Variants in RBFOX1 observed in about 807,000 individuals in gnomAD.
RBFOX1 encodes RNA binding fox-1 homolog 1, also known as RNA binding protein fox-1 homolog 1.
Under a neutral mutation model 57.7 loss-of-function variants are expected in RBFOX1, and 8 were observed. The observed-to-expected ratio is 0.14, with a 90% CI of 0.08 to 0.25. RBFOX1 has a LOEUF of 0.25. Among genes scored for constraint, RBFOX1 ranks in the 10% least tolerant of loss-of-function variants. The pLI, the probability that RBFOX1 is intolerant of heterozygous loss-of-function variation, is 1.00. For synonymous variants in RBFOX1, 326 were observed against 222.4 expected (o/e 1.47, Z -4.15); for missense variants, 611 against 548.5 (o/e 1.11, Z -1.14).
intron 3 of RBFOX1, among the ~76,000 whole-genome samples, chr16:5,841,766 C>G (rs573313729): frequency 1.3e-5 from 2 of 152,192 alleles, no homozygotes; most frequent in Non-Finnish European, 2.9e-5. Flanking sequence ...ACTGAACAGG[C>G]CTGATGCAGC....
intron 14 of RBFOX1, among the ~76,000 whole-genome samples, chr16:7,697,729 C>G (rs2079242114): frequency 6.6e-6 from 1 of 152,134 alleles, no homozygotes; most frequent in African/African-American, 2.4e-5. Context: ...CCACACACAC[C>G]TTTTTCTTCA....
At chr16:6,828,746 C>A (rs942486358) in intron 3 of RBFOX1, among the ~76,000 whole-genome samples, 1 of 152,062 alleles carries the variant, frequency 6.6e-6, no homozygotes, top group Non-Finnish European at 1.5e-5. Context: ...ATGAGCATAT[C>A]ACGAGGTCCT....
At chr16:5,821,525 G>C (rs563670298) in intron 3 of RBFOX1, among the ~76,000 whole-genome samples, 4 of 152,148 alleles carry the variant, frequency 2.6e-5, no homozygotes, top group South Asian at 2.1e-4. Context: ...CTTGTGTCCA[G>C]CTCCTGGGAT....
chr16:5,241,132 C>G (rs560963106), intron 1 of RBFOX1, among the ~76,000 whole-genome samples: 5 of 152,204 alleles, frequency 3.3e-5, no homozygotes, highest in Non-Finnish European at 5.9e-5. Flanking sequence ...CACGGGTAGC[C>G]GTCCTCGCCG....
At chr16:6,980,358 C>A (rs1423373558) in intron 3 of RBFOX1, among the ~76,000 whole-genome samples, 1 of 152,082 alleles carries the variant, frequency 6.6e-6, no homozygotes, top group African/African-American at 2.4e-5. Flanking sequence ...TAACATGTAA[C>A]CATTTCTTTT....
chr16:6,940,245 A>C (rs1420904688), intron 3 of RBFOX1, among the ~76,000 whole-genome samples: 1 of 152,146 alleles, frequency 6.6e-6, no homozygotes, highest in South Asian at 2.1e-4. Context: ...ACCTCTGGCT[A>C]TCAGAGGGGC....
At chr16:6,940,497 A>G (rs1331005909) in intron 3 of RBFOX1, among the ~76,000 whole-genome samples, 1 of 152,204 alleles carries the variant, frequency 6.6e-6, no homozygotes, top group Non-Finnish European at 1.5e-5. Context: ...AATATTGATG[A>G]AGGGAAGAAT....
intron 1 of RBFOX1, among the ~76,000 whole-genome samples, chr16:5,308,418 C>T (rs1161459679): frequency 1.3e-5 from 2 of 152,208 alleles, no homozygotes; most frequent in South Asian, 2.1e-4. Context: ...CTTCAACACC[C>T]CAGTGGTGGT....
chr16:6,448,445 C>G (rs1484940421), intron 2 of RBFOX1, among the ~76,000 whole-genome samples: 3 of 152,304 alleles, frequency 2.0e-5, no homozygotes, highest in Non-Finnish European at 4.4e-5. Context: ...ACGTGAGCCA[C>G]TGCGCCCAAC....
intron 5 of RBFOX1, among the ~76,000 whole-genome samples, chr16:7,567,339 C>A (rs1429024410): frequency 1.8e-5 from 2 of 111,744 alleles, no homozygotes; most frequent in South Asian, 3.0e-4. Flanking sequence ...ATATATGGCC[C>A]TATATATATA....
At chr16:5,604,630 C>G (rs117986818), downstream of RBFOX1, among the ~76,000 whole-genome samples, 1 of 152,158 alleles carries the variant, frequency 6.6e-6, no homozygotes, top group East Asian at 1.9e-4. Context: ...AGAAGTAACT[C>G]GTGGGTCCTG....
chr16:5,863,734 A>C (rs986902187), intron 3 of RBFOX1, among the ~76,000 whole-genome samples: 1 of 152,190 alleles, frequency 6.6e-6, no homozygotes, highest in African/African-American at 2.4e-5. Context: ...AATGCGGTAT[A>C]GTTTACCTTT....
chr16:5,770,689 C>T (rs531251632), intron 3 of RBFOX1, among the ~76,000 whole-genome samples: 3 of 152,336 alleles, frequency 2.0e-5, no homozygotes, highest in Non-Finnish European at 4.4e-5. Context: ...AAGAACCCTC[C>T]TGGGCTAAGC....
At chr16:6,525,356 A>G (rs1046479075) in intron 2 of RBFOX1, among the ~76,000 whole-genome samples, 1 of 152,152 alleles carries the variant, frequency 6.6e-6, no homozygotes, top group African/African-American at 2.4e-5. Context: ...GGTGTAGTTG[A>G]GTACACTTCT....
intron 14 of RBFOX1, among the ~76,000 whole-genome samples, chr16:7,692,909 G>A (rs558916582): frequency 7.3e-5 from 11 of 151,184 alleles, no homozygotes; most frequent in Non-Finnish European, 1.6e-4. Context: ...GATATTATAA[G>A]TCTAGAATTT....
intron 4 of RBFOX1, among the ~76,000 whole-genome samples, chr16:7,107,354 T>C (rs2063794630): frequency 6.6e-6 from 1 of 151,988 alleles, no homozygotes; most frequent in South Asian, 2.1e-4. Flanking sequence ...TATTCTGGGG[T>C]ATTATTAGCT....
chr16:6,872,636 T>C (rs2061139263), intron 3 of RBFOX1, among the ~76,000 whole-genome samples: 1 of 152,078 alleles, frequency 6.6e-6, no homozygotes, highest in Non-Finnish European at 1.5e-5. Flanking sequence ...ATTCCTGCAG[T>C]GGCAACGGTT....
chr16:7,063,109 CTT>C (rs758018101), intron 4 of RBFOX1, among the ~76,000 whole-genome samples: 7 of 151,894 alleles, frequency 4.6e-5, no homozygotes, highest in Non-Finnish European at 1.0e-4. Context: ...TCGGCGCTGA[CTT>C]TATGTATTGA....
At chr16:7,395,537 A>T (rs1401491751) in intron 4 of RBFOX1, among the ~76,000 whole-genome samples, 1 of 152,226 alleles carries the variant, frequency 6.6e-6, no homozygotes, top group South Asian at 2.1e-4. Context: ...AGTTACAAAG[A>T]AGCAGAGCTC....
Sources: gnomAD v4.1 joint callset for allele counts (sites outside exome capture counted in the v4.1 genomes callset) on GRCh38, gnomAD v4.1.1 for gene constraint, MANE v1.5 for transcripts, NCBI Gene and HGNC (gene_info 2026-07-23, HGNC 2026-07-21) for gene names.